The following LACTB variants were observed in gnomAD, a reference collection of about 807,000 sequenced individuals.
The protein encoded by LACTB is serine beta-lactamase-like protein LACTB, mitochondrial.
A neutral mutation model predicts 50.2 loss-of-function variants in LACTB; 35 were observed. The ratio of observed to expected loss-of-function variants is 0.70; its 90% CI spans 0.53 to 0.92. The LOEUF (loss-of-function observed/expected upper bound fraction) is 0.92. LACTB is among the 40% of genes least tolerant of loss of function. The probability of loss-of-function intolerance (pLI) is 0.00; values close to 1 mark genes in which losing one functional copy is unlikely to be tolerated. For synonymous variants in LACTB, 252 were observed against 268.2 expected (o/e 0.94, Z 0.59); for missense variants, 664 against 691.8 (o/e 0.96, Z 0.45).
At chr15:63,126,313 T>C (rs1345964579) in intron 2 of LACTB, among the ~76,000 whole-genome samples, 1 of 152,170 alleles carries the variant, frequency 6.6e-6, no homozygotes, top group African/African-American at 2.4e-5. Context: ...GGCCAATTTT[T>C]GTATTTTTAG....
At chr15:63,136,973 G>T (rs1479320428) in intron 5 of LACTB, among the ~76,000 whole-genome samples, 1 of 151,976 alleles carries the variant, frequency 6.6e-6, no homozygotes, top group African/African-American at 2.4e-5. Context: ...AGTACCATAC[G>T]GTGTCTGTCA....
chr15:63,129,513 C>G lies in LACTB; in HGVS notation c.981C>G (p.Gly327=), dbSNP rs375963699. The G allele has an allele frequency of 1.9e-6, 3 of 1,606,502 alleles. No homozygotes were observed. Among genetic ancestry groups the G allele is most frequent in the Non-Finnish European group, 2.5e-6 (3 of 1,176,746 alleles). ...GTCAGTTTTTGTATTCAACTTTTGGCTATACCCTACTGGCAGCCATAGTAG... is the reference window on the plus strand; with the variant it reads ...GTCAGTTTTTGTATTCAACTTTTGGGTATACCCTACTGGCAGCCATAGTAG... ...PGSQFLYSTF[G]YTLLAAIVER... Residue 327 remains glycine (G), a synonymous_variant, in exon 5 of 6, where the codon GGC becomes GGG. Transcript: ENST00000261893.
rs2037070432 is a variant in LACTB at position 63,127,599 on chromosome 15, G to C, written c.862G>C (p.Glu288Gln). Residue 288 changes from glutamate (E) to glutamine (Q), a missense_variant, in exon 4 of 6, where the codon GAA (glutamate) becomes CAA (glutamine). Glu to Gln is a conservative substitution (Grantham distance 29, BLOSUM62 2). Coordinates refer to ENST00000261893, the MANE Select transcript of LACTB (RefSeq NM_032857.5). Reference sequence around the variant, plus strand: ...ACCTGGCAAGAAAAAGAATGATTTTGAACAAGGCGAATTATATTTGAGAGA... The same window carrying C: ...ACCTGGCAAGAAAAAGAATGATTTTCAACAAGGCGAATTATATTTGAGAGA... Reference protein sequence around the residue: ...SKPGKKKNDFEQGELYLREKF... With the variant: ...SKPGKKKNDFQQGELYLREKF... 1.2e-6 allele frequency: 2 copies of C among 1,613,066 alleles called. No homozygotes were observed.
intron 5 of LACTB, among the ~76,000 whole-genome samples, chr15:63,137,572 C>T (rs1126307): frequency 0.01 from 1,552 of 152,154 alleles, 28 homozygotes; most frequent in African/African-American, 0.035. Context: ...AACAATCACT[C>T]GTGTAAAATG....
At chr15:63,130,157 G>A (rs1367966487) in intron 5 of LACTB, 1 of 152,270 alleles carries the variant, frequency 6.6e-6, no homozygotes, top group Admixed American at 6.5e-5. Flanking sequence ...GAAATAAGTT[G>A]TAGACGTGAT....
intron 5 of LACTB, among the ~76,000 whole-genome samples, chr15:63,139,182 C>G (rs954122415): frequency 1.6e-5 from 2 of 124,170 alleles, no homozygotes; most frequent in African/African-American, 6.2e-5. Flanking sequence ...AGCCCCGTCT[C>G]TACTAAAAAT....
intron 5 of LACTB, among the ~76,000 whole-genome samples, chr15:63,138,371 C>T (rs988211014): frequency 3.9e-5 from 6 of 152,078 alleles, no homozygotes; most frequent in Admixed American, 6.6e-5. Context: ...ATATAACATT[C>T]TTGTGCAGAA....
chr15:63,140,238 A>G (rs2037216173), intron 5 of LACTB, among the ~76,000 whole-genome samples: 1 of 152,204 alleles, frequency 6.6e-6, no homozygotes, highest in Admixed American at 6.5e-5. Context: ...GAGGGCCTAA[A>G]ATTTGAGAGT....
intron 5 of LACTB, among the ~76,000 whole-genome samples, chr15:63,140,671 G>C (rs1244654286): frequency 6.6e-6 from 1 of 151,920 alleles, no homozygotes; most frequent in Non-Finnish European, 1.5e-5. Flanking sequence ...TTTTTAGATA[G>C]GGTCTTGCTT....
intron 5 of LACTB, chr15:63,129,902 C>A (rs1222272588): frequency 1.7e-5 from 5 of 294,722 alleles, no homozygotes; most frequent in Non-Finnish European, 6.0e-6. Context: ...AAATTGCACC[C>A]ACCATGAGCA....
chr15:63,122,813 A>C, intron 2 of LACTB, 111 bp downstream of exon 2: 1 of 732,118 alleles, frequency 1.4e-6, no homozygotes, highest in East Asian at 2.6e-5. Flanking sequence ...AAAACGATGC[A>C]TATTGTAGAG....
chr15:63,136,608 C>T (rs1471098372), intron 5 of LACTB, among the ~76,000 whole-genome samples: 1 of 151,948 alleles, frequency 6.6e-6, no homozygotes, highest in Non-Finnish European at 1.5e-5. Context: ...CTATTTGGGC[C>T]TCTAAAACTC....
At position 63,124,274 on chromosome 15, in the gene LACTB, G is replaced by A. The variant is rs563142313; in HGVS notation, c.424+1572G>A. 2.8e-5 allele frequency among the ~76,000 whole-genome samples: 4 copies of A among 143,088 alleles called. No individual in the cohort carries two copies. The Admixed American group carries it at 2.9e-4, about 10-fold the overall frequency. The allele number at this position is 143,088 out of a possible 152,430, so 93.9% of individuals were successfully genotyped here. ...TAGAGCAAGGATTATTATAATATTG[G>A]AATAAAGACTAATTGCTACAAACTA... On this transcript the variant is annotated intron_variant, in intron 2 of 5. Coordinates refer to ENST00000261893, the MANE Select transcript of LACTB (RefSeq NM_032857.5).
Position 63,141,457 on chromosome 15 carries a change from T to C in LACTB, c.1296T>C (p.Pro432=). The change falls in exon 6 of 6, where the codon CCT becomes CCC. Residue 432 remains proline (P), a synonymous_variant. Transcript: ENST00000261893. ...AGAACTCAAATGAAAATCTTTTACC[T>C]GGATACCTCAAACCAGAAACAATGG... ...LFKNSNENLL[P]GYLKPETMVM... is the part of the protein sequence containing the mutation. 2 of 1,614,204 alleles carry C rather than the reference T, an allele frequency of 1.2e-6. No individual in the cohort carries two copies. The highest frequency in any genetic ancestry group is 1.1e-5 in the South Asian group (1 of 91,090).
At chr15:63,139,043 C>CAAAAA (rs11413822) in intron 5 of LACTB, among the ~76,000 whole-genome samples, 1 of 71,328 alleles carries the variant, frequency 1.4e-5, no homozygotes, top group Non-Finnish European at 3.0e-5. Context: ...GACTCTGTTT[C>CAAAAA]AAAAAAAAAA....
chr15:63,122,778 C>T (rs370412245), intron 2 of LACTB, 76 bp downstream of exon 2: 36 of 971,176 alleles, frequency 3.7e-5, no homozygotes, highest in East Asian at 2.9e-4. Context: ...AGAGTGGATC[C>T]CATGAAATGC....
In LACTB at chr15:63,126,973, C is replaced by T; in HGVS notation, c.539C>T (p.Ala180Val). Residue 180 changes from alanine to valine, a missense_variant, in exon 3 of 6, where the codon GCA (alanine) becomes GTA (valine). Ala to Val is a moderately conservative substitution (Grantham distance 64). Transcript: ENST00000261893. ...GTTGCTCTTGCCAAATTGTGGGAAG[C>T]AGGGAAACTGGATCTTGATATTCCA... is the stretch of plus-strand genomic sequence containing the variant. The part of the protein sequence containing the change: ...TMVALAKLWE[A>V]GKLDLDIPVQ... The T allele has an allele frequency of 3.7e-6, 6 of 1,613,482 alleles. No individual in the cohort carries two copies. Among genetic ancestry groups the T allele is most frequent in the Non-Finnish European group, 5.1e-6 (6 of 1,179,572 alleles).
intron 4 of LACTB, 38 bp from the exon 5 acceptor site, chr15:63,129,447 G>A: frequency 6.8e-7 from 1 of 1,479,896 alleles, no homozygotes; most frequent in South Asian, 1.4e-5. Context: ...TAATAATCAA[G>A]TATTTTATTT....
In LACTB at chr15:63,126,958, C is replaced by CT. The variant is rs1174047222; in HGVS notation, c.524_525insT (p.Lys176GlnfsTer11). The CT allele has an allele frequency of 6.2e-7, 1 of 1,613,378 alleles. No homozygotes were observed. The highest frequency in any genetic ancestry group is 1.7e-5 in the Admixed American group (1 of 59,938). On this transcript the variant is annotated frameshift_variant, in exon 3 of 6. Coordinates refer to ENST00000261893, the MANE Select transcript of LACTB (RefSeq NM_032857.5). LOFTEE classifies it high-confidence loss of function. ...AAAAGTCTCACCATGGTTGCTCTTG[C>CT]CAAATTGTGGGAAGCAGGGAAACTG...
Sources: allele counts gnomAD v4.1 joint callset (sites outside exome capture counted in the v4.1 genomes callset), GRCh38; gene constraint gnomAD v4.1.1; transcripts MANE v1.5; gene names NCBI Gene and HGNC (gene_info 2026-07-23, HGNC 2026-07-21).